The following RAP1B variants were observed in gnomAD, a reference collection of about 807,000 sequenced individuals.
RAP1B encodes the protein RAP1B, member of RAS oncogene family.
In RAP1B, 1 loss-of-function variant was observed where a neutral mutation model predicts 27.5. The ratio of observed to expected loss-of-function variants is 0.04; its 90% CI spans 0.01 to 0.17. RAP1B has a LOEUF of 0.17. Ranked by LOEUF, RAP1B falls within the 10% of genes least tolerant of loss-of-function variation. RAP1B has a pLI of 1.00. For synonymous variants in RAP1B, 75 were observed against 73.1 expected (o/e 1.03, Z -0.13); for missense variants, 84 against 214.8 (o/e 0.39, Z 3.81).
intron 1 of RAP1B, among the ~76,000 whole-genome samples, chr12:68,632,435 A>G (rs991247305): frequency 6.6e-6 from 1 of 152,114 alleles, no homozygotes; most frequent in African/African-American, 2.4e-5. Flanking sequence ...TGCCCAGCCA[A>G]ACAAAAATTT....
intron 1 of RAP1B, among the ~76,000 whole-genome samples, chr12:68,630,075 G>A (rs1872124348): frequency 6.6e-6 from 1 of 152,128 alleles, no homozygotes; most frequent in Non-Finnish European, 1.5e-5. Context: ...AGTCCTAGTT[G>A]ATCTCAAAAA....
intron 1 of RAP1B, among the ~76,000 whole-genome samples, chr12:68,638,356 G>T (rs1215238203): frequency 6.6e-6 from 1 of 152,078 alleles, no homozygotes; most frequent in Non-Finnish European, 1.5e-5. Context: ...CTAATTTTTA[G>T]TTACATGGCT....
intron 1 of RAP1B, among the ~76,000 whole-genome samples, chr12:68,632,160 T>TTTTTTTTTTTTTC (rs150063055): frequency 6.9e-6 from 1 of 144,724 alleles, no homozygotes; most frequent in Non-Finnish European, 1.5e-5. Context: ...GTTTTTTTTT[T>TTTTTTTTTTTTTC]CCAGACTGTT....
intron 5 of RAP1B, 99 bp downstream of exon 5, chr12:68,654,351 TGGG>T (rs112638624): frequency 1.2e-5 from 2 of 165,636 alleles, no homozygotes; most frequent in Non-Finnish European, 2.5e-5. Flanking sequence ...GTATTTTGGT[TGGG>T]GGGGGGGTGT....
rs1463159452 is a variant in RAP1B at position 68,664,304 on chromosome 12, T to C, written c.*5055T>C. On this transcript the variant is annotated 3_prime_UTR_variant, in exon 8 of 8. Transcript: ENST00000250559. ...AATTTCTATTTATGTCTGGTAGTTA[T>C]GTCCCCTGTGAGCACTAATTTCAGA... The C allele has an allele frequency of 6.6e-6, 1 of 152,246 alleles. No individual in the cohort carries two copies. The highest frequency in any genetic ancestry group is 2.4e-5 in the African/African-American group (1 of 41,462). The allele number at this position is 152,246 out of a possible 1,614,324, so 9.4% of individuals were successfully genotyped here.
chr12:68,646,978 C>A (rs575324017), intron 1 of RAP1B, among the ~76,000 whole-genome samples: 18 of 152,274 alleles, frequency 1.2e-4, no homozygotes, highest in Admixed American at 1.0e-3. Flanking sequence ...AAAAGAAAGG[C>A]CATCTCTTTA....
In RAP1B at chr12:68,640,957, G is replaced by T. The variant is rs118054827; in HGVS notation, c.-26-7742G>T. On this transcript the variant is annotated intron_variant, in intron 1 of 7. Coordinates refer to ENST00000250559, the MANE Select transcript of RAP1B (RefSeq NM_001010942.3). ...TGAAAATACTAGTTAATAATCTCCG[G>T]TTAATGAAATAATTATCTTAGATAA... 6.6e-5 allele frequency: 10 copies of T among 152,284 alleles called. No individual in the cohort carries two copies. In the East Asian group the frequency reaches 9.6e-4, roughly 15 times the overall value. 9.4% of individuals were successfully genotyped at this position (152,284 alleles called of 1,614,324 possible).
At chr12:68,643,034 G>A in intron 1 of RAP1B, 1 of 740,240 alleles carries the variant, frequency 1.4e-6, no homozygotes, top group South Asian at 1.5e-5. Context: ...ACGGTCCACT[G>A]CAGCCGCCTT....
At chr12:68,634,278 T>G (rs973552872) in intron 1 of RAP1B, among the ~76,000 whole-genome samples, 1 of 152,224 alleles carries the variant, frequency 6.6e-6, no homozygotes, top group African/African-American at 2.4e-5. Flanking sequence ...ATTTGAATCT[T>G]TAAGAACTGT....
At chr12:68,612,295 A>C in intron 1 of RAP1B, among the ~76,000 whole-genome samples, 1 of 152,250 alleles carries the variant, frequency 6.6e-6, no homozygotes, top group Non-Finnish European at 1.5e-5. Flanking sequence ...CTTGCTCAAC[A>C]AGACCTTATC....
rs753112399 is a variant in RAP1B, at chr12:68,661,444, A to G, written c.*2195A>G. The G allele has an allele frequency of 1.3e-5, 2 of 152,162 alleles. No homozygotes were observed. The highest frequency in any genetic ancestry group is 2.9e-5 in the Non-Finnish European group (2 of 68,032). The allele number at this position is 152,162 out of a possible 1,614,324, so 9.4% of individuals were successfully genotyped here. ...CATTGGACAAATTAAGTACTTAAGT[A>G]TAAAAATTGTTCTAGGCCTAAGGAT... On this transcript the variant is annotated 3_prime_UTR_variant, in exon 8 of 8. Coordinates refer to ENST00000250559, the MANE Select transcript of RAP1B (RefSeq NM_001010942.3).
At position 68,657,780 on chromosome 12, in the gene RAP1B, G is replaced by A. The variant is rs541544852; in HGVS notation, c.*30+563G>A. The A allele has an allele frequency of 4.5e-4, 68 of 149,754 alleles. 1 individual carries two copies. The South Asian group carries it at 0.01, about 23-fold the overall frequency. The allele number at this position is 149,754 out of a possible 1,614,324, so 9.3% of individuals were successfully genotyped here. ...CACACACACACACACACACGTGCGCGCGTGCGCGTGAGCCACCGCTCCCAG... is the reference window on the plus strand; with the variant it reads ...CACACACACACACACACACGTGCGCACGTGCGCGTGAGCCACCGCTCCCAG... On this transcript the variant is annotated intron_variant, in intron 7 of 7. Transcript: ENST00000250559.
At chr12:68,617,943 T>A (rs1310750073) in intron 1 of RAP1B, among the ~76,000 whole-genome samples, 1 of 152,014 alleles carries the variant, frequency 6.6e-6, no homozygotes, top group Non-Finnish European at 1.5e-5. Context: ...TTTGTATTTT[T>A]TGTAGAGACG....
At chr12:68,655,976 G>T (rs1018895996) in intron 5 of RAP1B, among the ~76,000 whole-genome samples, 5 of 152,146 alleles carry the variant, frequency 3.3e-5, no homozygotes, top group African/African-American at 1.2e-4. Context: ...AAAAGTTTAT[G>T]TAAAAGTGTC....
rs1873607343 is a variant in RAP1B at position 68,648,794 on chromosome 12, T to TA, written c.57+14dup. 6.2e-7 allele frequency: 1 copy of TA among 1,604,896 alleles called. No individual in the cohort carries two copies. The highest frequency in any genetic ancestry group is 8.5e-7 in the Non-Finnish European group (1 of 1,176,482). ...AAAGTCTGCTTTGGTAAGTCATTCT[T>TA]ACTTTACCTAAGCCTTTCACTCCAA... On this transcript the variant is annotated intron_variant, in intron 2 of 7. Coordinates refer to ENST00000250559, the MANE Select transcript of RAP1B (RefSeq NM_001010942.3).
intron 3 of RAP1B, 75 bp downstream of exon 3, chr12:68,650,543 T>C (rs1243209429): frequency 2.5e-6 from 3 of 1,197,012 alleles, no homozygotes; most frequent in Admixed American, 3.6e-5. Context: ...AATTATTGAA[T>C]GTTTTATACA....
chr12:68,647,280 A>T (rs576093827), intron 1 of RAP1B, among the ~76,000 whole-genome samples: 2 of 148,750 alleles, frequency 1.3e-5, no homozygotes, highest in Non-Finnish European at 3.0e-5. Context: ...CACGCCTGTA[A>T]TCCCAGCACT....
At chr12:68,626,960 CA>C in intron 1 of RAP1B, 3 of 1,523,176 alleles carry the variant, frequency 2.0e-6, no homozygotes, top group Non-Finnish European at 2.7e-6. Context: ...GCTTCTCAGT[CA>C]CCATGTCTTC....
In RAP1B at chr12:68,621,993, AACTCAGGT is replaced by A; in HGVS notation, c.-27+10952_-27+10959del. Among the ~76,000 whole-genome samples, 3 of 152,224 alleles carry A rather than the reference AACTCAGGT, an allele frequency of 2.0e-5. 1 individual carries two copies. The highest frequency in any genetic ancestry group is 2.0e-4 in the Admixed American group (3 of 15,294). ...CATTGGGTGTGAAATCAAATCTGAG[AACTCAGGT>A]ATTTGTTTTAAGTAGTTAGACCTTT... is the stretch of plus-strand genomic sequence containing the variant. On this transcript the variant is annotated intron_variant, in intron 1 of 7. Coordinates refer to ENST00000250559, the MANE Select transcript of RAP1B (RefSeq NM_001010942.3).
Sources: allele counts gnomAD v4.1 joint callset (sites outside exome capture counted in the v4.1 genomes callset), GRCh38; gene constraint gnomAD v4.1.1; transcripts MANE v1.5; gene names NCBI Gene and HGNC (gene_info 2026-07-23, HGNC 2026-07-21).